Variants in CHCHD6 observed in about 807,000 individuals in gnomAD.
The protein encoded by CHCHD6 is MICOS complex subunit MIC25.
In CHCHD6, 28 loss-of-function variants were observed where a neutral mutation model predicts 32.3. That is an observed-to-expected ratio of 0.87 (90% CI 0.64 to 1.19). The LOEUF (loss-of-function observed/expected upper bound fraction) is 1.19, where lower values mean the gene tolerates loss of function less well. CHCHD6 is among the 50% of genes most tolerant of loss of function. CHCHD6 has a pLI of 0.00. For missense variants in CHCHD6, 333 were observed against 307.0 expected (o/e 1.08, Z -0.63); for synonymous variants, 122 against 117.5 (o/e 1.04, Z -0.25).
At chr3:126,809,339 C>G (rs141045741) in intron 4 of CHCHD6, among the ~76,000 whole-genome samples, 1 of 152,178 alleles carries the variant, frequency 6.6e-6, no homozygotes, top group African/African-American at 2.4e-5. Flanking sequence ...TTGTGCTTGT[C>G]TTCAGGATTG....
chr3:126,933,348 G>C (rs2078433071), intron 6 of CHCHD6, among the ~76,000 whole-genome samples: 1 of 152,108 alleles, frequency 6.6e-6, no homozygotes, highest in Non-Finnish European at 1.5e-5. Context: ...GGAAGCTTTT[G>C]GTGGCAAGTT....
intron 4 of CHCHD6, among the ~76,000 whole-genome samples, chr3:126,813,501 C>G (rs1341341383): frequency 6.6e-6 from 1 of 152,214 alleles, no homozygotes; most frequent in Non-Finnish European, 1.5e-5. Flanking sequence ...ATGTATAATT[C>G]TGAGCATCTG....
At chr3:126,724,692 C>T (rs57790033) in intron 1 of CHCHD6, among the ~76,000 whole-genome samples, 1 of 152,298 alleles carries the variant, frequency 6.6e-6, no homozygotes, top group East Asian at 1.9e-4. Flanking sequence ...AGTGGAGCTC[C>T]TTTCAAGATC....
chr3:126,724,840 T>C (rs189011120), intron 1 of CHCHD6, among the ~76,000 whole-genome samples: 1 of 152,334 alleles, frequency 6.6e-6, no homozygotes, highest in Admixed American at 6.5e-5. Flanking sequence ...CCACTTTCTT[T>C]CCTCATCCAT....
chr3:126,819,151 G>A (rs1033389738), intron 4 of CHCHD6, among the ~76,000 whole-genome samples: 2 of 152,146 alleles, frequency 1.3e-5, no homozygotes, highest in East Asian at 3.8e-4. Flanking sequence ...TGGAAAGGCG[G>A]GGTTGTAAGC....
intron 5 of CHCHD6, among the ~76,000 whole-genome samples, chr3:126,863,440 ACCT>A (rs1297429856): frequency 1.1e-5 from 1 of 88,810 alleles, no homozygotes; most frequent in Non-Finnish European, 2.3e-5. Flanking sequence ...CTCCACCATC[ACCT>A]CCTCCTCCCC....
chr3:126,839,039 C>T (rs1940969412), intron 4 of CHCHD6, among the ~76,000 whole-genome samples: 1 of 151,974 alleles, frequency 6.6e-6, no homozygotes, highest in African/African-American at 2.4e-5. Context: ...CAGGCATGCA[C>T]CACTATGCCC....
intron 6 of CHCHD6, chr3:126,949,556 C>T (rs1446133292): frequency 1.2e-5 from 2 of 171,734 alleles, no homozygotes; most frequent in African/African-American, 5.2e-5. Flanking sequence ...CCCGGACTGC[C>T]GCCGTGGACG....
intron 4 of CHCHD6, among the ~76,000 whole-genome samples, chr3:126,742,340 G>A (rs1036869164): frequency 5.9e-5 from 9 of 152,178 alleles, no homozygotes; most frequent in African/African-American, 2.2e-4. Context: ...TGCTGGTCTG[G>A]TTACTACTTA....
chr3:126,926,207 C>G (rs1433525193), intron 6 of CHCHD6, among the ~76,000 whole-genome samples: 2 of 152,228 alleles, frequency 1.3e-5, no homozygotes, highest in East Asian at 3.8e-4. Context: ...CTGGGAGGCC[C>G]AGGGACAATA....
chr3:126,953,124 C>A, intron 6 of CHCHD6: 1 of 985,472 alleles, frequency 1.0e-6, no homozygotes, highest in South Asian at 4.7e-5. Context: ...GTGGGGTCCT[C>A]CCCCATACCT....
chr3:126,899,389 A>G (rs1427713294), intron 5 of CHCHD6, among the ~76,000 whole-genome samples: 2 of 152,226 alleles, frequency 1.3e-5, no homozygotes, highest in East Asian at 3.8e-4. Flanking sequence ...AATGATGGTC[A>G]AAGACATTTG....
intron 3 of CHCHD6, 139 bp from the exon 4 acceptor site, chr3:126,732,939 A>T: frequency 1.2e-6 from 1 of 847,350 alleles, no homozygotes; most frequent in Non-Finnish European, 1.9e-6. Flanking sequence ...GTTTCACAGC[A>T]CTCTCTCCTT....
At chr3:126,807,307 T>G (rs769268805) in intron 4 of CHCHD6, among the ~76,000 whole-genome samples, 7 of 151,606 alleles carry the variant, frequency 4.6e-5, no homozygotes, top group East Asian at 1.9e-4. Context: ...GAAGAAAAAG[T>G]TTTTTTTCTT....
At chr3:126,957,796 A>G (rs899198456) in intron 7 of CHCHD6, 2 of 582,862 alleles carry the variant, frequency 3.4e-6, no homozygotes, top group Admixed American at 2.8e-5. Flanking sequence ...CGTTTGCCCT[A>G]TTAGGCTGGG....
intron 4 of CHCHD6, among the ~76,000 whole-genome samples, chr3:126,817,161 A>G (rs751034294): frequency 6.6e-6 from 1 of 152,172 alleles, no homozygotes; most frequent in Non-Finnish European, 1.5e-5. Context: ...TCTCTGGGCT[A>G]GGTGGATAAT....
At chr3:126,920,066 A>C in intron 6 of CHCHD6, among the ~76,000 whole-genome samples, 1 of 152,092 alleles carries the variant, frequency 6.6e-6, no homozygotes, top group East Asian at 1.9e-4. Flanking sequence ...TCATTTAAAA[A>C]AAATTTCCAT....
chr3:126,741,628 T>G (rs1936291248), intron 4 of CHCHD6, among the ~76,000 whole-genome samples: 1 of 152,144 alleles, frequency 6.6e-6, no homozygotes, highest in Admixed American at 6.6e-5. Flanking sequence ...TGGGAACTTG[T>G]TAAAAATGCA....
At chr3:126,849,491 G>C (rs1018163818) in intron 4 of CHCHD6, among the ~76,000 whole-genome samples, 1 of 152,228 alleles carries the variant, frequency 6.6e-6, no homozygotes. Flanking sequence ...GTTGACTGGA[G>C]GAGGTCCTTG....
Sources: gnomAD v4.1 joint callset for allele counts (sites outside exome capture counted in the v4.1 genomes callset) on GRCh38, gnomAD v4.1.1 for gene constraint, MANE v1.5 for transcripts, NCBI Gene and HGNC (gene_info 2026-07-23, HGNC 2026-07-21) for gene names.